The following MAST4 variants were observed in gnomAD, a reference collection of about 807,000 sequenced individuals.
MAST4 encodes microtubule-associated serine/threonine-protein kinase 4.
Under a neutral mutation model 162.7 loss-of-function variants are expected in MAST4, and 89 were observed. The ratio of observed to expected loss-of-function variants is 0.55; its 90% CI spans 0.46 to 0.65. MAST4 has a LOEUF of 0.65. Among genes scored for constraint, MAST4 ranks in the 30% least tolerant of loss-of-function variants. MAST4 has a pLI of 0.00. For missense variants in MAST4, 3,153 were observed against 3,374.0 expected (o/e 0.93, Z 1.62); for synonymous variants, 1,479 against 1,361.1 (o/e 1.09, Z -1.91).
At chr5:66,663,547 T>C (rs1580136528) in intron 1 of MAST4, among the ~76,000 whole-genome samples, 1 of 151,926 alleles carries the variant, frequency 6.6e-6, no homozygotes, top group South Asian at 2.1e-4. Context: ...AAGTGAGGGG[T>C]GATTCACATG....
intron 4 of MAST4, among the ~76,000 whole-genome samples, chr5:67,011,865 A>T (rs1752712090): frequency 6.6e-6 from 1 of 152,226 alleles, no homozygotes; most frequent in African/African-American, 2.4e-5. Context: ...GGAAGCGAGG[A>T]AAGAGTGAGA....
chr5:67,048,858 A>G (rs1033098564), intron 4 of MAST4, among the ~76,000 whole-genome samples: 2 of 151,262 alleles, frequency 1.3e-5, no homozygotes, highest in Admixed American at 1.3e-4. Flanking sequence ...ACAAGCCACT[A>G]AAAGGTAACT....
At chr5:66,839,839 G>A (rs1758290499) in intron 3 of MAST4, among the ~76,000 whole-genome samples, 1 of 152,114 alleles carries the variant, frequency 6.6e-6, no homozygotes, top group South Asian at 2.1e-4. Flanking sequence ...TGTAATTGAA[G>A]ATGGGTGTTC....
chr5:67,102,110 G>A (rs928436832), intron 8 of MAST4, among the ~76,000 whole-genome samples: 1 of 151,732 alleles, frequency 6.6e-6, no homozygotes, highest in African/African-American at 2.4e-5. Flanking sequence ...GACCGCAGGT[G>A]TATGATAAAA....
chr5:67,049,045 GTATATATATATATACGTATATA>G (rs1757810072), intron 4 of MAST4, among the ~76,000 whole-genome samples: 2 of 100,562 alleles, frequency 2.0e-5, no homozygotes, highest in Admixed American at 1.0e-4. Context: ...ATATATACGT[GTATATATATATATACGTATATA>G]TATATATATA....
At chr5:67,070,038 A>T (rs75504429) in intron 5 of MAST4, among the ~76,000 whole-genome samples, 1,652 of 152,150 alleles carry the variant, frequency 0.011, 25 homozygotes, top group African/African-American at 0.038. Flanking sequence ...TCCTTGTGGG[A>T]TCAGTAATTT....
intron 5 of MAST4, among the ~76,000 whole-genome samples, chr5:67,089,497 C>T (rs1436913016): frequency 6.6e-6 from 1 of 152,168 alleles, no homozygotes; most frequent in Non-Finnish European, 1.5e-5. Flanking sequence ...CAGTCACAGT[C>T]CAGCTGCTTA....
intron 4 of MAST4, chr5:66,931,066 T>C (rs1580917321): frequency 4.8e-6 from 1 of 206,614 alleles, no homozygotes; most frequent in East Asian, 1.2e-4. Flanking sequence ...GAAATATAGC[T>C]TCTGAGAACT....
intron 1 of MAST4, among the ~76,000 whole-genome samples, chr5:66,677,848 AG>A (rs1748053798): frequency 6.6e-6 from 1 of 152,160 alleles, no homozygotes; most frequent in African/African-American, 2.4e-5. Flanking sequence ...CGTGAACTTT[AG>A]GGCAGGGTTC....
Position 67,121,021 on chromosome 5 carries a change from C to A in MAST4, c.1664C>A (p.Ser555Tyr), listed in dbSNP as rs1433940865. The A allele has an allele frequency of 6.2e-7, 1 of 1,608,792 alleles. No homozygotes were observed. Among genetic ancestry groups the A allele is most frequent in the Non-Finnish European group, 8.5e-7 (1 of 1,177,324 alleles). ...CTTCCATATTTTGTTTCCAAGAGCT[C>A]TAATGCCTCCCTGAAACTTCGAAGG... Reference protein sequence around the residue: ...TPETDESVSSSNASLKLRRKP... With the variant: ...TPETDESVSSYNASLKLRRKP... The change falls in exon 14 of 29, where the codon TCT becomes TAT. Residue 555 changes from serine to tyrosine, a missense_variant. By Grantham distance (144) the Ser-to-Tyr change is moderately radical. Around this residue, in one of 7 missense-constraint regions of MAST4, gnomAD observed 360 missense variants for 450.0 expected, o/e 0.80. Coordinates refer to ENST00000403625, the MANE Select transcript of MAST4 (RefSeq NM_001164664.2).
chr5:67,108,806 T>C (rs1765887147), intron 10 of MAST4, among the ~76,000 whole-genome samples: 1 of 152,180 alleles, frequency 6.6e-6, no homozygotes, highest in African/African-American at 2.4e-5. Context: ...CCAGTTCTTT[T>C]CATGGGGTAC....
At chr5:66,832,750 TCTGA>T (rs971539515) in intron 3 of MAST4, among the ~76,000 whole-genome samples, 43 of 152,350 alleles carry the variant, frequency 2.8e-4, no homozygotes, top group African/African-American at 1.0e-3. Flanking sequence ...ATTTGAAGAC[TCTGA>T]CTGGCTATAG....
chr5:66,703,683 T>A (rs1749928077), intron 1 of MAST4, among the ~76,000 whole-genome samples: 1 of 152,204 alleles, frequency 6.6e-6, no homozygotes, highest in African/African-American at 2.4e-5. Flanking sequence ...GCCCTCATGC[T>A]CATTTACAGT....
chr5:66,657,530 C>T (rs188105356), intron 1 of MAST4, among the ~76,000 whole-genome samples: 328 of 152,296 alleles, frequency 2.2e-3, no homozygotes, highest in Admixed American at 5.4e-3. Flanking sequence ...TAATATTTTT[C>T]TTCAGCATTT....
rs111686315 is a variant in MAST4 at position 66,775,411 on chromosome 5, C to T, written c.518-13259C>T. On this transcript the variant is annotated intron_variant, in intron 2 of 28. Transcript: ENST00000403625. ...AACATGAGGCATTGACCCTGGAGTT[C>T]AGGGCTACTTAATGTCAACTGAGCT... Among the ~76,000 whole-genome samples, 718 of 152,252 alleles carry T rather than the reference C, an allele frequency of 4.7e-3. 9 individuals carry two copies. The highest frequency in any genetic ancestry group is 8.3e-3 in the Non-Finnish European group (567 of 68,022).
At chr5:67,092,808 T>C (rs778027733) in intron 6 of MAST4, among the ~76,000 whole-genome samples, 1 of 151,994 alleles carries the variant, frequency 6.6e-6, no homozygotes, top group South Asian at 2.1e-4. Flanking sequence ...AGTACTGGGC[T>C]GGAAGTCAGG....
At chr5:66,673,588 G>A (rs373172865) in intron 1 of MAST4, among the ~76,000 whole-genome samples, 5 of 148,016 alleles carry the variant, frequency 3.4e-5, no homozygotes, top group Admixed American at 6.9e-5. Flanking sequence ...GTGACGTGGC[G>A]CGATCACAGC....
chr5:66,828,716 G>A (rs1198527876), intron 3 of MAST4: 55 of 1,406,296 alleles, frequency 3.9e-5, no homozygotes, highest in East Asian at 7.5e-5. Flanking sequence ...AGCTGACTCC[G>A]GGCTCCAATC....
intron 1 of MAST4, among the ~76,000 whole-genome samples, chr5:66,607,120 A>G (rs1176610245): frequency 6.6e-6 from 1 of 152,192 alleles, no homozygotes; most frequent in Non-Finnish European, 1.5e-5. Context: ...ATACTGGGAC[A>G]AGGGCAGGTT....
Sources: gnomAD v4.1 joint callset for allele counts (sites outside exome capture counted in the v4.1 genomes callset) on GRCh38, gnomAD v4.1.1 for gene constraint, gnomAD v4.1.1 regional missense constraint, MANE v1.5 for transcripts, NCBI Gene and HGNC (gene_info 2026-07-23, HGNC 2026-07-21) for gene names.